DNAJC10: variants seen among roughly 807,000 people sequenced by gnomAD.
The protein encoded by DNAJC10 is endoplasmic reticulum disulfide reductase DNAJC10.
In DNAJC10, 101 loss-of-function variants were observed where a neutral mutation model predicts 115.0. The ratio of observed to expected loss-of-function variants is 0.88; its 90% CI spans 0.75 to 1.04. The LOEUF is 1.04. Ranked by LOEUF, DNAJC10 falls within the 50% of genes least tolerant of loss-of-function variation. The pLI, the probability that DNAJC10 is intolerant of heterozygous loss-of-function variation, is 0.00. For missense variants in DNAJC10, 981 were observed against 928.8 expected (o/e 1.06, Z -0.73); for synonymous variants, 307 against 301.5 (o/e 1.02, Z -0.19).
At chr2:182,745,003 T>C (rs533649440) in intron 14 of DNAJC10, among the ~76,000 whole-genome samples, 6 of 152,334 alleles carry the variant, frequency 3.9e-5, no homozygotes, top group African/African-American at 1.4e-4. Flanking sequence ...TCTGGGAGGA[T>C]TGCTTATCTC....
rs1694888908 is a variant in DNAJC10, at chr2:182,783,339, A to C, written c.*6207A>C. The C allele has an allele frequency of 6.6e-6, 1 of 152,218 alleles. No individual in the cohort carries two copies. Among genetic ancestry groups the C allele is most frequent in the African/African-American group, 2.4e-5 (1 of 41,466 alleles). 9.4% of individuals were successfully genotyped at this position (152,218 alleles called of 1,614,324 possible). ...CTAACTAAAACATGGTTCTGAAGCC[A>C]GTTAACTAGCAAAAAGTCCCACCTA... On this transcript the variant is annotated 3_prime_UTR_variant, in exon 24 of 24. Transcript: ENST00000264065.
intron 14 of DNAJC10, among the ~76,000 whole-genome samples, chr2:182,750,376 A>G (rs1693984428): frequency 6.6e-6 from 1 of 152,152 alleles, no homozygotes; most frequent in African/African-American, 2.4e-5. Flanking sequence ...TAGAATTATT[A>G]TGATACAGGG....
intron 5 of DNAJC10, among the ~76,000 whole-genome samples, chr2:182,727,074 T>A (rs1358621902): frequency 6.6e-6 from 1 of 150,854 alleles, no homozygotes; most frequent in Non-Finnish European, 1.5e-5. Flanking sequence ...TTTTTAGACA[T>A]AATGCTATTA....
chr2:182,748,182 T>G (rs532953586), intron 14 of DNAJC10, among the ~76,000 whole-genome samples: 3,173 of 150,186 alleles, frequency 0.021, 104 homozygotes, highest in African/African-American at 0.076. Context: ...GATATTGGTC[T>G]AAAATTCTCT....
intron 13 of DNAJC10, 151 bp downstream of exon 13, chr2:182,741,507 C>G (rs1478314260): frequency 1.6e-5 from 7 of 444,732 alleles, no homozygotes; most frequent in Non-Finnish European, 1.9e-5. Context: ...CTTGCTTTTC[C>G]TCTTTTTTAT....
chr2:182,752,544 C>G (rs1694050026), intron 16 of DNAJC10: 1 of 893,022 alleles, frequency 1.1e-6, no homozygotes, highest in Non-Finnish European at 1.3e-6. Flanking sequence ...CTTCATACTT[C>G]TAAGTATATT....
At position 182,721,936 on chromosome 2, in the gene DNAJC10, TTGA is replaced by T; in HGVS notation, c.368-84_368-82del. The T allele has an allele frequency of 5.5e-6, 4 of 727,924 alleles. No homozygotes were observed. In the Middle Eastern group the frequency reaches 1.2e-3, roughly 225 times the overall value. The allele number at this position is 727,924 out of a possible 1,614,324, so 45.1% of individuals were successfully genotyped here. On this transcript the variant is annotated intron_variant, in intron 4 of 23. Coordinates refer to ENST00000264065, the MANE Select transcript of DNAJC10 (RefSeq NM_018981.4). ...GATATAATATAGTAGTTTGATTTTT[TTGA>T]TGATTAAAACGAGTAATCTATTTTT... is the stretch of plus-strand genomic sequence containing the variant.
At chr2:182,749,762 C>A (rs1680487058) in intron 14 of DNAJC10, among the ~76,000 whole-genome samples, 1 of 152,136 alleles carries the variant, frequency 6.6e-6, no homozygotes. Context: ...TAAATTACCC[C>A]AAAACTCAGT....
intron 14 of DNAJC10, among the ~76,000 whole-genome samples, chr2:182,749,632 A>C (rs551718590): frequency 6.6e-5 from 10 of 152,020 alleles, no homozygotes; most frequent in African/African-American, 1.2e-4. Context: ...TGTGTCTTTT[A>C]ATTGGAGCAT....
At chr2:182,748,444 C>T (rs1194540822) in intron 14 of DNAJC10, among the ~76,000 whole-genome samples, 8 of 152,136 alleles carry the variant, frequency 5.3e-5, no homozygotes, top group Non-Finnish European at 8.8e-5. Context: ...CAACTTCTTC[C>T]TGGTTTAGTC....
chr2:182,777,103 T>TTTACA lies in DNAJC10; in HGVS notation c.2371-14_2371-10dup. 7.2e-7 allele frequency: 1 copy of TTTACA among 1,393,974 alleles called. No individual in the cohort carries two copies. The highest frequency in any genetic ancestry group is 9.6e-7 in the Non-Finnish European group (1 of 1,038,888). 86.4% of individuals were successfully genotyped at this position (1,393,974 alleles called of 1,614,324 possible). A position where few individuals can be genotyped will look rare whatever the true frequency, so the allele number is the denominator to read the frequency against. ...CATACTTTCTCCTTTCTCTATCGCCTTTACATTATTATTATAGGATGAACT... is the reference window on the plus strand; with the variant it reads ...CATACTTTCTCCTTTCTCTATCGCCTTTACATTACATTATTATTATAGGATGAACT... On this transcript the variant is annotated splice_polypyrimidine_tract_variant and intron_variant, in intron 23 of 23. Transcript: ENST00000264065.
rs1224876080 is a variant in DNAJC10, at chr2:182,783,851, GA to G, written c.*6721del. ...AATTCATCTGTCAATAATCACCAAA[GA>G]ACTCAAGAATGAATAACATGATCTA... On this transcript the variant is annotated 3_prime_UTR_variant, in exon 24 of 24. Coordinates refer to ENST00000264065, the MANE Select transcript of DNAJC10 (RefSeq NM_018981.4). The G allele has an allele frequency of 1.3e-5, 2 of 152,144 alleles. No homozygotes were observed. Among genetic ancestry groups the G allele is most frequent in the East Asian group, 3.9e-4 (2 of 5,170 alleles). 9.4% of individuals were successfully genotyped at this position (152,144 alleles called of 1,614,324 possible).
At chr2:182,729,966 T>G (rs2105622681) in intron 8 of DNAJC10, 25 bp downstream of exon 8, 1 of 1,465,966 alleles carries the variant, frequency 6.8e-7, no homozygotes, top group South Asian at 1.2e-5. Context: ...TTAATTTGCT[T>G]GATTTTCAGG....
At chr2:182,771,915 G>A (rs1694574270) in intron 22 of DNAJC10, among the ~76,000 whole-genome samples, 1 of 152,094 alleles carries the variant, frequency 6.6e-6, no homozygotes. Flanking sequence ...TGATGTTAGG[G>A]TGTCAATTTT....
At position 182,717,964 on chromosome 2, in the gene DNAJC10, T is replaced by A; in HGVS notation, c.-123T>A. ...AGATTAATATTTTTGGGGACAGATT[T>A]GTGATGCTTGATTCACCCTTGAAGT... is the stretch of plus-strand genomic sequence containing the variant. On this transcript the variant is annotated 5_prime_UTR_variant, in exon 3 of 24. Coordinates refer to ENST00000264065, the MANE Select transcript of DNAJC10 (RefSeq NM_018981.4). 1.7e-6 allele frequency: 1 copy of A among 601,908 alleles called. No homozygotes were observed. The highest frequency in any genetic ancestry group is 3.5e-5 in the Admixed American group (1 of 28,224). The allele number at this position is 601,908 out of a possible 1,614,324, so 37.3% of individuals were successfully genotyped here. A position where few individuals can be genotyped will look rare whatever the true frequency, so the allele number is the denominator to read the frequency against.
At chr2:182,740,163 T>C (rs1179822050) in intron 11 of DNAJC10, 136 bp from the exon 12 acceptor site, 1 of 1,170,596 alleles carries the variant, frequency 8.5e-7, no homozygotes, top group Non-Finnish European at 1.1e-6. Context: ...AAAAGACATT[T>C]GGAATTGTTT....
intron 3 of DNAJC10, among the ~76,000 whole-genome samples, chr2:182,719,134 G>A (rs981991414): frequency 2.0e-5 from 3 of 150,454 alleles, no homozygotes; most frequent in African/African-American, 7.4e-5. Context: ...CCATATAAAA[G>A]ACAGTAGACC....
chr2:182,777,231 C>T lies in DNAJC10; in HGVS notation c.*99C>T, dbSNP rs1279460718. Reference sequence around the variant, plus strand: ...TACATTTATGATGGGAATGAATGAACATTATCTTAGACTTGCAGTTGTACT... The same window carrying T: ...TACATTTATGATGGGAATGAATGAATATTATCTTAGACTTGCAGTTGTACT... On this transcript the variant is annotated 3_prime_UTR_variant, in exon 24 of 24. Transcript: ENST00000264065. 4 of 741,602 alleles carry T rather than the reference C, an allele frequency of 5.4e-6. No homozygotes were observed. Among genetic ancestry groups the T allele is most frequent in the African/African-American group, 3.6e-5 (2 of 55,512 alleles). 45.9% of individuals were successfully genotyped at this position (741,602 alleles called of 1,614,324 possible). A position where few individuals can be genotyped will look rare whatever the true frequency, so the allele number is the denominator to read the frequency against.
At chr2:182,747,500 A>G (rs1270829331) in intron 14 of DNAJC10, among the ~76,000 whole-genome samples, 83 of 148,590 alleles carry the variant, frequency 5.6e-4, no homozygotes, top group Admixed American at 4.8e-3. Context: ...GCAATTGTGA[A>G]TGGGAGTTCA....
Sources: gnomAD v4.1 joint callset for allele counts (sites outside exome capture counted in the v4.1 genomes callset) on GRCh38, gnomAD v4.1.1 for gene constraint, MANE v1.5 for transcripts, NCBI Gene and HGNC (gene_info 2026-07-23, HGNC 2026-07-21) for gene names.